The following CRB1 variants were observed in gnomAD, a reference collection of about 807,000 sequenced individuals.
CRB1 encodes the protein protein crumbs homolog 1.
In CRB1, 83 loss-of-function variants were observed where a neutral mutation model predicts 120.0. That is an observed-to-expected ratio of 0.69 (90% CI 0.58 to 0.83). The LOEUF (loss-of-function observed/expected upper bound fraction) is 0.83. Ranked by LOEUF, CRB1 falls within the 40% of genes least tolerant of loss-of-function variation. The probability of loss-of-function intolerance (pLI) is 0.00; values close to 1 mark genes in which losing one functional copy is unlikely to be tolerated. For synonymous variants in CRB1, 625 were observed against 612.5 expected (o/e 1.02, Z -0.30); for missense variants, 1,699 against 1,687.6 (o/e 1.01, Z -0.12).
the CRB1 span, among the ~76,000 whole-genome samples, chr1:197,221,041 G>A: frequency 6.6e-6 from 1 of 152,124 alleles, no homozygotes; most frequent in East Asian, 1.9e-4. Context: ...TCTTCTAACG[G>A]GCAGGCTAAA....
chr1:197,364,527 G>C (rs930845865), intron 5 of CRB1, among the ~76,000 whole-genome samples: 1 of 151,878 alleles, frequency 6.6e-6, no homozygotes, highest in African/African-American at 2.4e-5. Context: ...ACAAATATTG[G>C]GTCTTTTGCT....
intron 2 of CRB1, among the ~76,000 whole-genome samples, chr1:197,336,658 A>T (rs966679829): frequency 6.6e-6 from 1 of 152,178 alleles, no homozygotes; most frequent in Admixed American, 6.5e-5. Context: ...CACTCAGCAA[A>T]TACTTATATT....
the CRB1 span, among the ~76,000 whole-genome samples, chr1:197,230,738 T>C: frequency 2.0e-5 from 3 of 152,100 alleles, no homozygotes; most frequent in Non-Finnish European, 2.9e-5. Flanking sequence ...GAAAAAGAAG[T>C]CCCAGACTGA....
intron 2 of CRB1, among the ~76,000 whole-genome samples, chr1:197,330,315 T>C (rs753493888): frequency 2.6e-5 from 4 of 152,194 alleles, no homozygotes; most frequent in African/African-American, 7.2e-5. Flanking sequence ...GTTCTACTTA[T>C]AGCTTCTACC....
Position 197,412,176 on chromosome 1 carries a change from G to T in CRB1, c.1172-8824G>T, listed in dbSNP as rs139391995. Among the ~76,000 whole-genome samples, 709 of 152,310 alleles carry T rather than the reference G, an allele frequency of 4.7e-3. 9 individuals carry two copies. The highest frequency in any genetic ancestry group is 0.016 in the African/African-American group (659 of 41,560). On this transcript the variant is annotated intron_variant, in intron 5 of 11. Transcript: ENST00000367400. ...GAGGTAACCATAATTTCTGCCTAAG[G>T]ATGGTCATTATTTTTAACAGGTTCA...
intron 1 of CRB1, among the ~76,000 whole-genome samples, chr1:197,280,526 G>T (rs1214745765): frequency 6.6e-6 from 1 of 151,838 alleles, no homozygotes; most frequent in Non-Finnish European, 1.5e-5. Flanking sequence ...AGAGCCAAGA[G>T]CTTTGGGAAT....
intron 1 of CRB1, among the ~76,000 whole-genome samples, chr1:197,323,459 T>A (rs1658318004): frequency 6.6e-6 from 1 of 152,174 alleles, no homozygotes; most frequent in South Asian, 2.1e-4. Flanking sequence ...AGAATTTCAA[T>A]TTGCTAGAGG....
the CRB1 span, among the ~76,000 whole-genome samples, chr1:197,223,646 A>G: frequency 6.6e-6 from 1 of 152,220 alleles, no homozygotes; most frequent in Non-Finnish European, 1.5e-5. Flanking sequence ...GGTGAAAATC[A>G]TATTTGGACT....
At chr1:197,471,007 T>C (rs552031179) in intron 11 of CRB1, among the ~76,000 whole-genome samples, 28 of 152,336 alleles carry the variant, frequency 1.8e-4, no homozygotes, top group Non-Finnish European at 3.8e-4. Context: ...TATATCCTTA[T>C]GTTACATCAG....
At chr1:197,216,769 C>T in the CRB1 span, among the ~76,000 whole-genome samples, 2 of 152,192 alleles carry the variant, frequency 1.3e-5, no homozygotes, top group Admixed American at 6.5e-5. Context: ...TTTGAAAGAC[C>T]TACATGAGTG....
chr1:197,412,893 C>T (rs1017837431), intron 5 of CRB1, among the ~76,000 whole-genome samples: 20 of 152,172 alleles, frequency 1.3e-4, no homozygotes, highest in African/African-American at 4.8e-4. Flanking sequence ...TTACTGGTTT[C>T]CATCACAACT....
upstream of CRB1, among the ~76,000 whole-genome samples, chr1:197,263,775 T>C (rs905462568): frequency 6.6e-6 from 1 of 152,094 alleles, no homozygotes; most frequent in Admixed American, 6.5e-5. Flanking sequence ...CTCACATTGA[T>C]CTATTCTAAA....
chr1:197,310,789 A>T (rs1425848324), intron 1 of CRB1, among the ~76,000 whole-genome samples: 1 of 152,154 alleles, frequency 6.6e-6, no homozygotes, highest in Non-Finnish European at 1.5e-5. Flanking sequence ...TAGAAATTAA[A>T]ATTACATAGG....
At chr1:197,268,130 A>AGTTT, upstream of CRB1, 1 of 402,528 alleles carries the variant, frequency 2.5e-6, no homozygotes, top group Admixed American at 3.6e-5. Flanking sequence ...GAAAACTCGC[A>AGTTT]GCAAAGGCTT....
At chr1:197,445,658 G>T (rs976666315) in intron 11 of CRB1, among the ~76,000 whole-genome samples, 1 of 152,140 alleles carries the variant, frequency 6.6e-6, no homozygotes, top group African/African-American at 2.4e-5. Flanking sequence ...AACTTCTTCT[G>T]CAAATGGTGC....
chr1:197,400,155 G>C (rs151333603), intron 5 of CRB1, among the ~76,000 whole-genome samples: 1 of 152,202 alleles, frequency 6.6e-6, no homozygotes, highest in East Asian at 1.9e-4. Context: ...TACATGGCAA[G>C]TGCTCAAACA....
chr1:197,386,620 T>C (rs1181369322), intron 5 of CRB1, among the ~76,000 whole-genome samples: 3 of 152,152 alleles, frequency 2.0e-5, no homozygotes, highest in African/African-American at 7.2e-5. Flanking sequence ...AATCACATGG[T>C]CAAAACGGAC....
intron 5 of CRB1, among the ~76,000 whole-genome samples, chr1:197,375,782 A>G (rs1661615257): frequency 6.6e-6 from 1 of 152,072 alleles, no homozygotes; most frequent in Non-Finnish European, 1.5e-5. Flanking sequence ...AATCATTCTA[A>G]TTGGCTTGCC....
At chr1:197,319,847 G>C (rs756637875) in intron 1 of CRB1, among the ~76,000 whole-genome samples, 1 of 152,068 alleles carries the variant, frequency 6.6e-6, no homozygotes, top group Admixed American at 6.6e-5. Context: ...ATTTTTAGCC[G>C]CAAGTGGTTT....
Sources: allele counts gnomAD v4.1 joint callset (sites outside exome capture counted in the v4.1 genomes callset), GRCh38; gene constraint gnomAD v4.1.1; transcripts MANE v1.5; gene names NCBI Gene and HGNC (gene_info 2026-07-23, HGNC 2026-07-21).